The following MYO3A variants were observed in gnomAD, a reference collection of about 807,000 sequenced individuals.
MYO3A encodes myosin-IIIa.
Under a neutral mutation model 192.7 loss-of-function variants are expected in MYO3A, and 180 were observed. That is an observed-to-expected ratio of 0.93 (90% confidence interval 0.83 to 1.06). The LOEUF (loss-of-function observed/expected upper bound fraction) is 1.06. Ranked by LOEUF, MYO3A falls within the 50% of genes least tolerant of loss-of-function variation. The pLI is 0.00. For missense variants in MYO3A, 1,896 were observed against 1,905.0 expected, an observed-to-expected ratio of 1.00 and a Z score of 0.09; for synonymous variants, 628 against 645.3, an observed-to-expected ratio of 0.97 and a Z score of 0.41.
intron 15 of MYO3A, 135 bp downstream of exon 15, chr10:26,088,540 G>A (rs1299275005): frequency 3.2e-5 from 27 of 832,078 alleles, no homozygotes; most frequent in Non-Finnish European, 5.1e-5. Context: ...TATTGAGAAT[G>A]AAGAGATCCA....
At chr10:26,009,189 G>A (rs972752926) in intron 6 of MYO3A, among the ~76,000 whole-genome samples, 2 of 150,918 alleles carry the variant, frequency 1.3e-5, no homozygotes, top group African/African-American at 4.9e-5. Flanking sequence ...AGAACACATG[G>A]ACACAGGAAG....
intron 32 of MYO3A, among the ~76,000 whole-genome samples, chr10:26,198,459 C>T (rs2132183904): frequency 6.6e-6 from 1 of 152,310 alleles, no homozygotes; most frequent in African/African-American, 2.4e-5. Flanking sequence ...GAGATCCCTT[C>T]CAATTTTATT....
chr10:26,114,302 G>C (rs1375685201), intron 17 of MYO3A, among the ~76,000 whole-genome samples: 1 of 152,158 alleles, frequency 6.6e-6, no homozygotes, highest in Non-Finnish European at 1.5e-5. Flanking sequence ...TAGGCATCAG[G>C]TATAGGTTGA....
chr10:25,993,517 TTCTGC>T (rs1840196175), intron 4 of MYO3A, among the ~76,000 whole-genome samples: 1 of 152,192 alleles, frequency 6.6e-6, no homozygotes. Flanking sequence ...TCTCCTTCAG[TTCTGC>T]TCTGATCTTA....
chr10:25,992,648 G>T (rs1385103893), intron 4 of MYO3A, among the ~76,000 whole-genome samples: 1 of 152,150 alleles, frequency 6.6e-6, no homozygotes, highest in Non-Finnish European at 1.5e-5. Context: ...CTGTGGGTTT[G>T]TCATAAATAG....
intron 23 of MYO3A, among the ~76,000 whole-genome samples, chr10:26,149,536 A>G (rs1216234794): frequency 6.6e-6 from 1 of 152,096 alleles, no homozygotes; most frequent in Non-Finnish European, 1.5e-5. Context: ...CGCCTGGCCA[A>G]TTTCCTGAGT....
At chr10:26,062,839 C>T (rs1474782922) in intron 10 of MYO3A, among the ~76,000 whole-genome samples, 11 of 151,810 alleles carry the variant, frequency 7.2e-5, no homozygotes, top group Non-Finnish European at 1.6e-4. Context: ...AAAGGTGGCA[C>T]TTCCACCCTG....
intron 10 of MYO3A, among the ~76,000 whole-genome samples, chr10:26,055,990 A>G (rs1844293893): frequency 6.6e-6 from 1 of 152,252 alleles, no homozygotes. Context: ...TTGAAGAAAC[A>G]GAGCAAGCAT....
chr10:26,175,894 C>G (rs1202362578), intron 30 of MYO3A, among the ~76,000 whole-genome samples: 2 of 152,176 alleles, frequency 1.3e-5, no homozygotes, highest in Non-Finnish European at 2.9e-5. Flanking sequence ...TCACACTCAA[C>G]CCAGCAGGAC....
chr10:25,948,266 C>T (rs1477711957), intron 2 of MYO3A, among the ~76,000 whole-genome samples: 2 of 152,108 alleles, frequency 1.3e-5, no homozygotes, highest in Non-Finnish European at 2.9e-5. Flanking sequence ...TTTACAAAAA[C>T]AAGCAGAATA....
At chr10:26,144,067 T>C (rs1840318104) in intron 21 of MYO3A, among the ~76,000 whole-genome samples, 1 of 152,192 alleles carries the variant, frequency 6.6e-6, no homozygotes, top group Non-Finnish European at 1.5e-5. Context: ...TAATAAATAT[T>C]CATGATAATA....
chr10:26,170,270 C>A, intron 28 of MYO3A, 146 bp from the exon 29 acceptor site: 1 of 843,918 alleles, frequency 1.2e-6, no homozygotes, highest in South Asian at 1.7e-5. Context: ...TAATGAATCA[C>A]ATTTTTAAGT....
intron 10 of MYO3A, among the ~76,000 whole-genome samples, chr10:26,059,062 T>C (rs1834304628): frequency 6.6e-6 from 1 of 152,322 alleles, no homozygotes; most frequent in African/African-American, 2.4e-5. Flanking sequence ...CTGTAATTGC[T>C]TATTCATTCC....
intron 10 of MYO3A, among the ~76,000 whole-genome samples, chr10:26,039,207 ATTTTT>A (rs34416918): frequency 0.013 from 1,405 of 106,840 alleles, 24 homozygotes; most frequent in African/African-American, 0.048. Flanking sequence ...GGCTCGGCTA[ATTTTT>A]TTTTTTTTTT....
rs765590694 is a variant in MYO3A at position 26,125,468 on chromosome 10, A to G, written c.1974A>G (p.Arg658=). 11 of 1,613,976 alleles carry G rather than the reference A, an allele frequency of 6.8e-6. No individual in the cohort carries two copies. In the East Asian group the frequency reaches 2.2e-4, roughly 33 times the overall value. The change falls in exon 19 of 35, where the codon AGA becomes AGG. Residue 658 remains arginine, a synonymous_variant. Transcript: ENST00000642920. ...EALTSHCVVT[R]GETIIRPNTV... is the part of the protein sequence containing the mutation. ...TCACCTCCCACTGTGTGGTCACTAG[A>G]GGAGAAACAATTATACGACCCAATA... is the stretch of plus-strand genomic sequence containing the variant.
intron 31 of MYO3A, among the ~76,000 whole-genome samples, chr10:26,177,347 C>T (rs1043318965): frequency 6.6e-6 from 1 of 152,174 alleles, no homozygotes; most frequent in Non-Finnish European, 1.5e-5. Context: ...ACCTCCCTCT[C>T]CCCAGAGCTG....
intron 3 of MYO3A, among the ~76,000 whole-genome samples, chr10:25,952,600 G>T (rs1451389529): frequency 5.3e-5 from 8 of 152,124 alleles, no homozygotes; most frequent in African/African-American, 1.9e-4. Context: ...GGGTCTAGAA[G>T]TAATCCTGAA....
chr10:25,963,954 C>T (rs1014899497), intron 4 of MYO3A, among the ~76,000 whole-genome samples: 5 of 152,090 alleles, frequency 3.3e-5, no homozygotes, highest in African/African-American at 9.7e-5. Flanking sequence ...TATAGTGTTA[C>T]TTCAGAGGTA....
intron 15 of MYO3A, among the ~76,000 whole-genome samples, chr10:26,094,879 T>G (rs1272671952): frequency 1.3e-5 from 2 of 152,316 alleles, no homozygotes; most frequent in African/African-American, 4.8e-5. Flanking sequence ...TATCATGAAG[T>G]GGGCTTTTTT....
Sources: allele counts gnomAD v4.1 joint callset (sites outside exome capture counted in the v4.1 genomes callset), GRCh38; gene constraint gnomAD v4.1.1; transcripts MANE v1.5; gene names NCBI Gene and HGNC (gene_info 2026-07-23, HGNC 2026-07-21).